NAALADL2: variants seen among roughly 807,000 people sequenced by gnomAD.
The protein encoded by NAALADL2 is inactive N-acetylated-alpha-linked acidic dipeptidase-like protein 2.
In NAALADL2, 76 loss-of-function variants were observed where a neutral mutation model predicts 87.2. The observed-to-expected ratio is 0.87, with a 90% CI of 0.72 to 1.05. NAALADL2 has a LOEUF of 1.05. NAALADL2 is among the 50% of genes least tolerant of loss of function. The probability of loss-of-function intolerance (pLI) is 0.00; values close to 1 mark genes in which losing one functional copy is unlikely to be tolerated. For synonymous variants in NAALADL2, 354 were observed against 331.0 expected (o/e 1.07, Z -0.75); for missense variants, 1,089 against 945.8 (o/e 1.15, Z -1.99).
At chr3:175,601,195 ATAT>A (rs886397918) in intron 10 of NAALADL2, among the ~76,000 whole-genome samples, 6 of 152,186 alleles carry the variant, frequency 3.9e-5, no homozygotes, top group African/African-American at 1.4e-4. Flanking sequence ...GCACATTTTA[ATAT>A]TCTTATGAAT....
chr3:174,702,713 T>A (rs76947649), intron 2 of NAALADL2, among the ~76,000 whole-genome samples: 12,068 of 152,280 alleles, frequency 0.079, 506 homozygotes, highest in Middle Eastern at 0.13. Flanking sequence ...CAATGGTAAT[T>A]GTTTGTGTAT....
At chr3:174,619,708 T>C (rs1720817215) in intron 2 of NAALADL2, among the ~76,000 whole-genome samples, 1 of 152,004 alleles carries the variant, frequency 6.6e-6, no homozygotes, top group Admixed American at 6.6e-5. Context: ...TAACTGTGCT[T>C]TCTTAATCTA....
intron 11 of NAALADL2, among the ~76,000 whole-genome samples, chr3:175,727,371 A>G (rs1743080540): frequency 6.6e-6 from 1 of 152,198 alleles, no homozygotes; most frequent in African/African-American, 2.4e-5. Context: ...GTTTGCTAAC[A>G]CAGGTCTTTA....
At chr3:175,439,471 G>T (rs1438229591) in intron 5 of NAALADL2, among the ~76,000 whole-genome samples, 2 of 150,702 alleles carry the variant, frequency 1.3e-5, no homozygotes, top group South Asian at 2.1e-4. Context: ...AGCGTACAAG[G>T]GTTCCCTTTT....
intron 1 of NAALADL2, among the ~76,000 whole-genome samples, chr3:175,093,388 C>CT (rs1433683689): frequency 1.6e-5 from 2 of 127,742 alleles, no homozygotes; most frequent in South Asian, 2.3e-4. Flanking sequence ...TTGATAGTTT[C>CT]TTTTTTTGTT....
At chr3:174,599,841 G>T (rs1718268687) in intron 2 of NAALADL2, among the ~76,000 whole-genome samples, 1 of 152,034 alleles carries the variant, frequency 6.6e-6, no homozygotes, top group African/African-American at 2.4e-5. Context: ...GAAAAACAAT[G>T]AAAGCCTTAG....
chr3:174,793,108 T>C (rs996589075), intron 3 of NAALADL2, among the ~76,000 whole-genome samples: 2 of 152,174 alleles, frequency 1.3e-5, no homozygotes, highest in African/African-American at 4.8e-5. Context: ...AAGTACATCA[T>C]TGCTTAATAC....
At chr3:175,277,544 T>C (rs1190593250) in intron 4 of NAALADL2, among the ~76,000 whole-genome samples, 1 of 152,302 alleles carries the variant, frequency 6.6e-6, no homozygotes, top group African/African-American at 2.4e-5. Context: ...CTTCATCTAG[T>C]AGTCTTTTAT....
At chr3:175,392,453 A>G (rs187730874) in intron 5 of NAALADL2, among the ~76,000 whole-genome samples, 24 of 152,300 alleles carry the variant, frequency 1.6e-4, no homozygotes, top group Admixed American at 1.1e-3. Context: ...GAAATATGAA[A>G]TCATAGCTCT....
chr3:174,882,662 CATATACACATATGTGTAT>C (rs1164692906), intron 1 of NAALADL2, among the ~76,000 whole-genome samples: 1 of 114,506 alleles, frequency 8.7e-6, no homozygotes, highest in African/African-American at 3.4e-5. Flanking sequence ...CACATATGTG[CATATACACATATGTGTAT>C]ATGTGTATCC....
At chr3:175,481,240 A>G (rs903640695) in intron 9 of NAALADL2, among the ~76,000 whole-genome samples, 1 of 151,774 alleles carries the variant, frequency 6.6e-6, no homozygotes, top group African/African-American at 2.4e-5. Flanking sequence ...ATGTATGTGT[A>G]TTATTATATA....
chr3:175,446,182 A>G (rs914261723), intron 5 of NAALADL2, among the ~76,000 whole-genome samples: 6 of 143,342 alleles, frequency 4.2e-5, no homozygotes, highest in Admixed American at 2.2e-4. Flanking sequence ...ACCTGGAGAG[A>G]AGGTTTCTGT....
intron 1 of NAALADL2, among the ~76,000 whole-genome samples, chr3:174,471,486 T>C (rs1716902566): frequency 6.6e-6 from 1 of 152,158 alleles, no homozygotes; most frequent in Non-Finnish European, 1.5e-5. Context: ...GGCAACTGTT[T>C]AGTCTGTTTT....
chr3:175,694,280 G>A (rs369323385), intron 11 of NAALADL2, among the ~76,000 whole-genome samples: 1 of 151,882 alleles, frequency 6.6e-6, no homozygotes, highest in African/African-American at 2.4e-5. Context: ...TGAATACAAA[G>A]GTTTAAGTTA....
chr3:175,066,096 A>C (rs2109111730), intron 1 of NAALADL2, among the ~76,000 whole-genome samples: 1 of 152,276 alleles, frequency 6.6e-6, no homozygotes, highest in East Asian at 1.9e-4. Context: ...AAATCCTGAA[A>C]TGTAGCCACT....
chr3:175,670,837 T>A (rs1733907615), intron 11 of NAALADL2, among the ~76,000 whole-genome samples: 2 of 151,498 alleles, frequency 1.3e-5, no homozygotes, highest in Admixed American at 6.6e-5. Flanking sequence ...ATAAGTAAAA[T>A]GTTATTTGTC....
rs111654345 is a variant in NAALADL2, at chr3:175,161,524, G to C, written c.545+64233G>C. The stretch of plus-strand genomic sequence containing the variant: ...GACTAAAATTCCCAGAATGGAGCAG[G>C]GTAGGAGTCAGGGCAGAGGATCCAG... On this transcript the variant is annotated intron_variant, in intron 2 of 13. Transcript: ENST00000454872. Among the ~76,000 whole-genome samples the C allele has an allele frequency of 3.3e-5, 5 of 152,014 alleles. No individual in the cohort carries two copies. In the South Asian group the frequency reaches 8.3e-4, roughly 25 times the overall value.
intron 13 of NAALADL2, among the ~76,000 whole-genome samples, chr3:175,758,639 A>C (rs768384481): frequency 1.1e-4 from 17 of 152,116 alleles, no homozygotes; most frequent in Admixed American, 9.8e-4. Flanking sequence ...AATGCTTATA[A>C]GCACATTCTT....
chr3:174,472,223 G>T (rs569435427), intron 1 of NAALADL2, among the ~76,000 whole-genome samples: 1 of 152,198 alleles, frequency 6.6e-6, no homozygotes, highest in African/African-American at 2.4e-5. Context: ...TTAGGCTTCA[G>T]TTGGCTCTTA....
Sources: gnomAD v4.1 joint callset for allele counts (sites outside exome capture counted in the v4.1 genomes callset) on GRCh38, gnomAD v4.1.1 for gene constraint, MANE v1.5 for transcripts, NCBI Gene and HGNC (gene_info 2026-07-23, HGNC 2026-07-21) for gene names.